The following COL7A1 variants were observed in gnomAD, a reference collection of about 807,000 sequenced individuals.
COL7A1 encodes the protein collagen type VII alpha 1 chain.
Under a neutral mutation model 456.2 loss-of-function variants are expected in COL7A1, and 296 were observed. The observed-to-expected ratio is 0.65, with a 90% confidence interval of 0.59 to 0.71. COL7A1 has a LOEUF of 0.71. COL7A1 is among the 30% of genes least tolerant of loss of function. The probability of loss-of-function intolerance (pLI) is 0.00; values close to 1 mark genes in which losing one functional copy is unlikely to be tolerated. For missense variants in COL7A1, 3,441 were observed against 4,017.2 expected (o/e 0.86, Z 3.88); for synonymous variants, 1,464 against 1,525.9 (o/e 0.96, Z 0.95).
At position 48,572,597 on chromosome 3, in the gene COL7A1, T is replaced by C. The variant is rs1167047064; in HGVS notation, c.6901-59A>G. 4.3e-6 allele frequency: 5 copies of C among 1,172,392 alleles called. No homozygotes were observed. The East Asian group carries it at 2.0e-4, about 46-fold the overall frequency. The allele number at this position is 1,172,392 out of a possible 1,614,324, so 72.6% of individuals were successfully genotyped here. On this transcript the variant is annotated intron_variant, in intron 88 of 118. Transcript: ENST00000681320. This position sits in a 1 kb window ranked among gnomAD's most constrained non-coding sequence, Gnocchi z 4.6. ...CCCCGCCCCCACCCTGCCACCCCCATGGCATTTGGAAACAGGCTTGTGGGT... is the reference window on the plus strand; with the variant it reads ...CCCCGCCCCCACCCTGCCACCCCCACGGCATTTGGAAACAGGCTTGTGGGT...
chr3:48,587,792 C>A lies in COL7A1; in HGVS notation c.2857+1G>T. 1.9e-6 allele frequency: 3 copies of A among 1,613,352 alleles called. No individual in the cohort carries two copies. Among genetic ancestry groups the A allele is most frequent in the Non-Finnish European group, 2.5e-6 (3 of 1,179,984 alleles). ...AGCACGCCAAGGTGAGGCAGGCTTA[C>A]CAGTGCGCGCAGTCACCTCTGCAGA... On this transcript the variant is annotated splice_donor_variant, in intron 22 of 118. Transcript: ENST00000681320. LOFTEE classifies it high-confidence loss of function. The surrounding 1 kb of genome is among the most constrained non-coding windows in gnomAD (Gnocchi z 6.1).
In COL7A1 at chr3:48,565,320, A is replaced by G. The variant is rs1279685645; in HGVS notation, c.8527+90T>C. The G allele has an allele frequency of 1.3e-6, 2 of 1,502,972 alleles. No homozygotes were observed. Among genetic ancestry groups the G allele is most frequent in the Middle Eastern group, 2.0e-4 (1 of 5,044 alleles). 93.1% of individuals were successfully genotyped at this position (1,502,972 alleles called of 1,614,324 possible). Reference sequence around the variant, plus strand: ...TGCGTGTGCCCTGCATGCAGACCCTACGTGCTTGGCGTGTGCCCTGCATTC... The same window carrying G: ...TGCGTGTGCCCTGCATGCAGACCCTGCGTGCTTGGCGTGTGCCCTGCATTC... On this transcript the variant is annotated intron_variant, in intron 116 of 118. Coordinates refer to ENST00000681320, the MANE Select transcript of COL7A1 (RefSeq NM_000094.4). The surrounding 1 kb of genome is among the most constrained non-coding windows in gnomAD (Gnocchi z 4.5).
At position 48,590,774 on chromosome 3, in the gene COL7A1, A is replaced by G. The variant is rs1271679125; in HGVS notation, c.1679T>C (p.Phe560Ser). ...TLVLPGSQTA[F>S]DLDDVQAGLS... ...CCCAGCCTGAACGTCATCCAAGTCG[A>G]ATGCTGTCTGACTCCCAGGAAGCAC... is the stretch of plus-strand genomic sequence containing the variant. Residue 560 changes from phenylalanine (F) to serine (S), a missense_variant, in exon 14 of 119, where the codon TTC (phenylalanine) becomes TCC (serine). Phe to Ser is a radical substitution (Grantham distance 155). Around this residue, in one of 3 missense-constraint regions of COL7A1, gnomAD observed 913 missense variants for 1,088.2 expected, o/e 0.84. Transcript: ENST00000681320. The surrounding 1 kb of genome is among the most constrained non-coding windows in gnomAD (Gnocchi z 4.6). 4.3e-6 allele frequency: 7 copies of G among 1,613,900 alleles called. No individual in the cohort carries two copies. The highest frequency in any genetic ancestry group is 5.1e-6 in the Non-Finnish European group (6 of 1,180,016).
In COL7A1 at chr3:48,564,933, GGGT is replaced by G; in HGVS notation, c.8665_8667del (p.Thr2889del). 2 of 1,614,224 alleles carry G rather than the reference GGGT, an allele frequency of 1.2e-6. No homozygotes were observed. The highest frequency in any genetic ancestry group is 2.2e-5 in the South Asian group (2 of 91,086). ...GTCACAGCCCGATGGTACCAGCGCA[GGGT>G]GTAGGCAGTGCAGGAGCCCTCATCC... On this transcript the variant is annotated inframe_deletion, in exon 118 of 119. Coordinates refer to ENST00000681320, the MANE Select transcript of COL7A1 (RefSeq NM_000094.4). The surrounding 1 kb of genome is among the most constrained non-coding windows in gnomAD (Gnocchi z 6.0).
chr3:48,576,148 C>T, intron 71 of COL7A1, 101 bp downstream of exon 71: 1 of 1,565,338 alleles, frequency 6.4e-7, no homozygotes, highest in Non-Finnish European at 8.8e-7. Context: ...GAACACACAG[C>T]ACAGAACCTA....
rs1441342060 is a variant in COL7A1, at chr3:48,588,791, G to A, written c.2441-3C>T. On this transcript the variant is annotated splice_region_variant and splice_polypyrimidine_tract_variant and intron_variant, in intron 19 of 118. Coordinates refer to ENST00000681320, the MANE Select transcript of COL7A1 (RefSeq NM_000094.4). The surrounding 1 kb of genome is among the most constrained non-coding windows in gnomAD (Gnocchi z 4.6). Reference sequence around the variant, plus strand: ...TATCTGGTGCCTCATGGGGCCGCCTGGCCAGGTGGGCATACAGCAATGGTT... The same window carrying A: ...TATCTGGTGCCTCATGGGGCCGCCTAGCCAGGTGGGCATACAGCAATGGTT... 1.2e-6 allele frequency: 2 copies of A among 1,613,808 alleles called. No homozygotes were observed. Among genetic ancestry groups the A allele is most frequent in the Non-Finnish European group, 1.7e-6 (2 of 1,180,046 alleles).
Position 48,566,813 on chromosome 3 carries a change from T to C in COL7A1, c.8227-76A>G, listed in dbSNP as rs988419132. 6.3e-7 allele frequency: 1 copy of C among 1,592,946 alleles called. No individual in the cohort carries two copies. Among genetic ancestry groups the C allele is most frequent in the African/African-American group, 1.3e-5 (1 of 74,378 alleles). On this transcript the variant is annotated intron_variant, in intron 111 of 118. Transcript: ENST00000681320. This position sits in a 1 kb window ranked among gnomAD's most constrained non-coding sequence, Gnocchi z 5.9. ...AGTCAGGCAGGTTGGGGGCCACAGC[T>C]TCAGAGGTTGGGGCAGGCAGGCTGG...
At position 48,582,248 on chromosome 3, in the gene COL7A1, C is replaced by T. The variant is rs2044814396; in HGVS notation, c.4635+75G>A. 7 of 1,611,360 alleles carry T rather than the reference C, an allele frequency of 4.3e-6. No homozygotes were observed. The South Asian group carries it at 5.5e-5, about 13-fold the overall frequency. On this transcript the variant is annotated intron_variant, in intron 47 of 118. Transcript: ENST00000681320. ...GGGCCCAGCACTGTGGAATCACAGC[C>T]CAGATAGTGTTCTATAGGAGGGTCA...
rs746448029 is a variant in COL7A1, at chr3:48,591,237, G to A, written c.1636+227C>T. On this transcript the variant is annotated intron_variant, in intron 13 of 118. Coordinates refer to ENST00000681320, the MANE Select transcript of COL7A1 (RefSeq NM_000094.4). The surrounding 1 kb of genome is among the most constrained non-coding windows in gnomAD (Gnocchi z 7.0). ...TTGTGGCTGTGCAGAGGTGAAAGCC[G>A]TGGATGGGGTGTGGGGCAGGGAGGA... Among the ~76,000 whole-genome samples, 18 of 152,156 alleles carry A rather than the reference G, an allele frequency of 1.2e-4. No homozygotes were observed. Among genetic ancestry groups the A allele is most frequent in the East Asian group, 1.9e-4 (1 of 5,196 alleles).
At position 48,579,816 on chromosome 3, in the gene COL7A1, T is replaced by C; in HGVS notation, c.5125-2A>G. On this transcript the variant is annotated splice_acceptor_variant, in intron 57 of 118. Transcript: ENST00000681320. LOFTEE classifies it high-confidence loss of function. This position sits in a 1 kb window ranked among gnomAD's most constrained non-coding sequence, Gnocchi z 4.4. ...TCTGGCTCCAGGTCCTGTGTCTACC[T>C]GTGGGGGGAATGACCAGTGAGAAGA... 6.2e-7 allele frequency: 1 copy of C among 1,613,908 alleles called. No individual in the cohort carries two copies. Among genetic ancestry groups the C allele is most frequent in the Non-Finnish European group, 8.5e-7 (1 of 1,179,984 alleles).
In COL7A1 at chr3:48,588,716, A is replaced by G; in HGVS notation, c.2513T>C (p.Val838Ala). 1 of 1,613,724 alleles carries G rather than the reference A, an allele frequency of 6.2e-7. No homozygotes were observed. The highest frequency in any genetic ancestry group is 8.5e-7 in the Non-Finnish European group (1 of 1,179,978). ...TGCAGTCACTCGCACTGAGTAGCTG[A>G]CTCCACCTTCGAGACCCCGGATCTC... ...SAEIRGLEGG[V>A]SYSVRVTALV... Residue 838 changes from valine (V) to alanine (A), a missense_variant, in exon 20 of 119, where the codon GTC becomes GCC. Val to Ala is a moderately conservative substitution (Grantham distance 64). Transcript: ENST00000681320. This position sits in a 1 kb window ranked among gnomAD's most constrained non-coding sequence, Gnocchi z 4.6.
rs555643868 is a variant in COL7A1, at chr3:48,569,515, C to T, written c.7615-69G>A. ...CCCTCACCCTCTGGGAGTTTGAGCTCTCAGATGCCCTGGGCCAGCCCCACG... is the reference window on the plus strand; with the variant it reads ...CCCTCACCCTCTGGGAGTTTGAGCTTTCAGATGCCCTGGGCCAGCCCCACG... On this transcript the variant is annotated intron_variant, in intron 102 of 118. Coordinates refer to ENST00000681320, the MANE Select transcript of COL7A1 (RefSeq NM_000094.4). This position sits in a 1 kb window ranked among gnomAD's most constrained non-coding sequence, Gnocchi z 4.9. 41 of 1,613,542 alleles carry T rather than the reference C, an allele frequency of 2.5e-5. No individual in the cohort carries two copies. The African/African-American group carries it at 4.4e-4, about 17-fold the overall frequency.
In COL7A1 at chr3:48,578,604, C is replaced by A; in HGVS notation, c.5425-89G>T. 1 of 1,442,104 alleles carries A rather than the reference C, an allele frequency of 6.9e-7. No homozygotes were observed. Among genetic ancestry groups the A allele is most frequent in the South Asian group, 1.2e-5 (1 of 85,838 alleles). The allele number at this position is 1,442,104 out of a possible 1,614,324, so 89.3% of individuals were successfully genotyped here. A position where few individuals can be genotyped will look rare whatever the true frequency, so the allele number is the denominator to read the frequency against. ...GACTAAGAGGACCCCAAAAAGATCT[C>A]CCTCCAGGGTAGAGACCCCCAGGAC... is the stretch of plus-strand genomic sequence containing the variant. On this transcript the variant is annotated intron_variant, in intron 63 of 118. Transcript: ENST00000681320. The surrounding 1 kb of genome is among the most constrained non-coding windows in gnomAD (Gnocchi z 4.7).
In COL7A1 at chr3:48,567,499, C is replaced by G; in HGVS notation, c.8046+75G>C. On this transcript the variant is annotated intron_variant, in intron 109 of 118. Transcript: ENST00000681320. This position sits in a 1 kb window ranked among gnomAD's most constrained non-coding sequence, Gnocchi z 4.3. ...CTCTACAGCCTTCCTTGTCCCTACACCCCCATGACCCGACCATGAGCTTCC... is the reference window on the plus strand; with the variant it reads ...CTCTACAGCCTTCCTTGTCCCTACAGCCCCATGACCCGACCATGAGCTTCC... The G allele has an allele frequency of 1.9e-6, 3 of 1,594,608 alleles. No homozygotes were observed. Among genetic ancestry groups the G allele is most frequent in the Non-Finnish European group, 2.6e-6 (3 of 1,162,532 alleles).
Position 48,580,676 on chromosome 3 carries a change from A to G in COL7A1, c.4981-24T>C. The G allele has an allele frequency of 6.2e-7, 1 of 1,613,096 alleles. No homozygotes were observed. Among genetic ancestry groups the G allele is most frequent in the East Asian group, 2.2e-5 (1 of 44,856 alleles). On this transcript the variant is annotated intron_variant, in intron 54 of 118. Coordinates refer to ENST00000681320, the MANE Select transcript of COL7A1 (RefSeq NM_000094.4). The surrounding 1 kb of genome is among the most constrained non-coding windows in gnomAD (Gnocchi z 4.5). ...CCCTAAGAAGAGCAGCTGGCCTGAG[A>G]CAGACCCTCCCAATATTTTGCAGGT...
rs2045129118 is a variant in COL7A1 at position 48,584,962 on chromosome 3, G to A, written c.3976-17C>T. The A allele has an allele frequency of 1.2e-6, 2 of 1,613,714 alleles. No homozygotes were observed. The highest frequency in any genetic ancestry group is 2.2e-5 in the South Asian group (2 of 91,082). On this transcript the variant is annotated splice_polypyrimidine_tract_variant and intron_variant, in intron 33 of 118. Coordinates refer to ENST00000681320, the MANE Select transcript of COL7A1 (RefSeq NM_000094.4). ...TGGAGAGCCCTGCAAATGGAGGCCA[G>A]AGGCAGAACAGTCGGAGCCACCCCA...
rs546132302 is a variant in COL7A1 at position 48,581,356 on chromosome 3, G to C, written c.4819-16C>G. 8.7e-5 allele frequency: 140 copies of C among 1,613,622 alleles called. No individual in the cohort carries two copies. The highest frequency in any genetic ancestry group is 1.1e-4 in the Non-Finnish European group (133 of 1,179,970). On this transcript the variant is annotated splice_polypyrimidine_tract_variant and intron_variant, in intron 51 of 118. Transcript: ENST00000681320. This position sits in a 1 kb window ranked among gnomAD's most constrained non-coding sequence, Gnocchi z 5.8. ...CTGAGTCACCCTGTGGAGGAGGCAA[G>C]AGGGAGGTGATGCAGGACGCTCGAA...
At position 48,593,987 on chromosome 3, in the gene COL7A1, G is replaced by T. The variant is rs771394226; in HGVS notation, c.267-291C>A. ...TAATTAAATAATTGCAGGAGGAGGG[G>T]TCCAGATGTAGGAAAGTGGATGCTG... On this transcript the variant is annotated intron_variant, in intron 3 of 118. Transcript: ENST00000681320. The surrounding 1 kb of genome is among the most constrained non-coding windows in gnomAD (Gnocchi z 4.4). 1.4e-4 allele frequency among the ~76,000 whole-genome samples: 21 copies of T among 152,234 alleles called. No individual in the cohort carries two copies. Among genetic ancestry groups the T allele is most frequent in the Non-Finnish European group, 2.8e-4 (19 of 68,034 alleles).
chr3:48,576,624 A>C lies in COL7A1; in HGVS notation c.5700+52T>G, dbSNP rs2044320412. On this transcript the variant is annotated intron_variant, in intron 68 of 118. Transcript: ENST00000681320. ...GCTTCCCAGGAGGGTTGCCCATTGA[A>C]ACATCATGGCTTCTAATGCTCTGAA... The C allele has an allele frequency of 1.0e-5, 16 of 1,591,528 alleles. No homozygotes were observed. The South Asian group carries it at 1.7e-4, about 17-fold the overall frequency.
Sources: allele counts gnomAD v4.1 joint callset (sites outside exome capture counted in the v4.1 genomes callset), GRCh38; gene constraint gnomAD v4.1.1; regional missense constraint gnomAD v4.1.1; non-coding constraint Gnocchi (gnomAD v3.1); transcripts MANE v1.5; gene names NCBI Gene and HGNC (gene_info 2026-07-23, HGNC 2026-07-21).